Variants in ASZ1 observed in about 807,000 individuals in gnomAD.
ASZ1 encodes ankyrin repeat, SAM and basic leucine zipper domain containing 1, also known as ankyrin repeat, SAM and basic leucine zipper domain-containing protein 1.
A neutral mutation model predicts 61.8 loss-of-function variants in ASZ1; 67 were observed. That is an observed-to-expected ratio of 1.08 (90% CI 0.89 to 1.33). The LOEUF is 1.33. Ranked by LOEUF, ASZ1 falls within the 40% of genes most tolerant of loss-of-function variation. The pLI is 0.00. For missense variants in ASZ1, 577 were observed against 554.5 expected (o/e 1.04, Z -0.41); for synonymous variants, 193 against 192.7 (o/e 1.00, Z -0.01).
intron 2 of ASZ1, among the ~76,000 whole-genome samples, chr7:117,422,722 A>G (rs942182690): frequency 1.3e-5 from 2 of 152,216 alleles, no homozygotes; most frequent in African/African-American, 4.8e-5. Flanking sequence ...ATCCCTGGGC[A>G]ATATCAGTTA....
At chr7:117,407,971 G>A (rs935697793) in intron 4 of ASZ1, among the ~76,000 whole-genome samples, 8 of 152,132 alleles carry the variant, frequency 5.3e-5, no homozygotes, top group Non-Finnish European at 1.2e-4. Flanking sequence ...CCTCCCAGGT[G>A]GGAAGGAGAG....
intron 2 of ASZ1, among the ~76,000 whole-genome samples, chr7:117,425,327 G>A (rs549757190): frequency 1.2e-3 from 166 of 141,756 alleles, no homozygotes; most frequent in Middle Eastern, 3.6e-3. Context: ...GTGCAGTGGC[G>A]CGATCTCGGC....
rs1237810865 is a variant in ASZ1, at chr7:117,368,367, C to T, written c.1161+245G>A. 1.1e-5 allele frequency: 13 copies of T among 1,159,054 alleles called. No homozygotes were observed. In the East Asian group the frequency reaches 5.1e-4, roughly 45 times the overall value. 71.8% of individuals were successfully genotyped at this position (1,159,054 alleles called of 1,614,324 possible). On this transcript the variant is annotated intron_variant, in intron 11 of 12. Transcript: ENST00000284629. ...AAAAGAACACATGGTAAATTCAATA[C>T]ACGGATCAGTTTAATTTTTGGTCTG...
intron 2 of ASZ1, 137 bp from the exon 3 acceptor site, chr7:117,422,496 C>A: frequency 1.1e-6 from 1 of 944,334 alleles, no homozygotes. Flanking sequence ...TTAATGGCTT[C>A]CAAAAAATAC....
intron 4 of ASZ1, among the ~76,000 whole-genome samples, chr7:117,405,473 T>C (rs1796764841): frequency 6.6e-6 from 1 of 152,190 alleles, no homozygotes; most frequent in Admixed American, 6.5e-5. Flanking sequence ...CATGTGACTT[T>C]CACTTAGTTG....
In ASZ1 at chr7:117,385,754, C is replaced by T. The variant is rs760286066; in HGVS notation, c.496G>A (p.Ala166Thr). The T allele has an allele frequency of 6.2e-7, 1 of 1,613,576 alleles. No individual in the cohort carries two copies. The highest frequency in any genetic ancestry group is 1.3e-5 in the African/African-American group (1 of 74,894). The change falls in exon 5 of 13, where the codon GCT (alanine) becomes ACT (threonine). Residue 166 changes from alanine to threonine, a missense_variant. Physicochemically the swap from Ala to Thr is moderately conservative, Grantham distance 58. Transcript: ENST00000284629. ...AARDGHTQVV[A>T]LLVAHGAEVN... is the part of the protein sequence containing the mutation. ...TCTGCTCCATGAGCAACAAGGAGAG[C>T]AACAACCTGGGTGTGACCATCTCGA...
intron 12 of ASZ1, among the ~76,000 whole-genome samples, chr7:117,366,875 A>T (rs967190347): frequency 1.3e-5 from 2 of 152,104 alleles, no homozygotes; most frequent in African/African-American, 2.4e-5. Context: ...TCTTTAGCTG[A>T]TATTTAATTT....
rs1795988722 is a variant in ASZ1 at position 117,368,618 on chromosome 7, A to G, written c.1155T>C (p.Ser385=). 3 of 1,610,804 alleles carry G rather than the reference A, an allele frequency of 1.9e-6. No homozygotes were observed. Among genetic ancestry groups the G allele is most frequent in the African/African-American group, 1.3e-5 (1 of 74,798 alleles). The change falls in exon 11 of 13, where the codon TCT becomes TCC. Residue 385 remains serine, a synonymous_variant. Coordinates refer to ENST00000284629, the MANE Select transcript of ASZ1 (RefSeq NM_130768.3). ...AATAACTTTTGTAGAATACCTTTTG[A>G]GAATTTACAGGTAACTCAGTAATAA... ...QNVITELPVN[S]QKITLEWASP...
At chr7:117,370,939 C>T (rs1400665969) in intron 10 of ASZ1, among the ~76,000 whole-genome samples, 1 of 151,766 alleles carries the variant, frequency 6.6e-6, no homozygotes, top group African/African-American at 2.4e-5. Context: ...ATTCTCATGC[C>T]TCAGCCACCT....
chr7:117,378,723 G>GATGA (rs1266199983), intron 10 of ASZ1, among the ~76,000 whole-genome samples: 1 of 151,938 alleles, frequency 6.6e-6, no homozygotes, highest in African/African-American at 2.4e-5. Flanking sequence ...GAATCTTGTA[G>GATGA]ATGAATGTTC....
chr7:117,410,510 A>C (rs903122562), intron 4 of ASZ1, among the ~76,000 whole-genome samples: 64 of 151,852 alleles, frequency 4.2e-4, no homozygotes, highest in Admixed American at 3.9e-4. Flanking sequence ...CAGATGAAAC[A>C]ATGTAAAAAA....
At chr7:117,385,442 G>C (rs1004459316) in intron 5 of ASZ1, among the ~76,000 whole-genome samples, 2 of 151,824 alleles carry the variant, frequency 1.3e-5, no homozygotes, top group Non-Finnish European at 2.9e-5. Flanking sequence ...TGTATTTTTA[G>C]TAGAGACAGG....
chr7:117,364,021 C>G (rs570598357), intron 12 of ASZ1, among the ~76,000 whole-genome samples: 1 of 152,076 alleles, frequency 6.6e-6, no homozygotes, highest in South Asian at 2.1e-4. Context: ...TTTAATGTCA[C>G]GAGACAAAGT....
chr7:117,422,458 A>G (rs1292052204), intron 2 of ASZ1, 99 bp from the exon 3 acceptor site: 6 of 1,288,010 alleles, frequency 4.7e-6, no homozygotes, highest in Non-Finnish European at 5.2e-6. Context: ...GACGTACATC[A>G]TGTACTTTAT....
intron 10 of ASZ1, among the ~76,000 whole-genome samples, chr7:117,379,133 TTATATATATATATATATATATATATA>T (rs370500034): frequency 9.6e-6 from 1 of 104,658 alleles, no homozygotes; most frequent in Non-Finnish European, 2.0e-5. Flanking sequence ...TGTGATAAAA[TTATATATATATATATATATATATATA>T]TATATATATA....
intron 4 of ASZ1, among the ~76,000 whole-genome samples, chr7:117,404,551 C>T (rs1796746383): frequency 6.6e-6 from 1 of 151,968 alleles, no homozygotes; most frequent in Non-Finnish European, 1.5e-5. Flanking sequence ...GTGCTTAAGA[C>T]AGAAACTGGC....
At chr7:117,404,827 T>C (rs953877423) in intron 4 of ASZ1, among the ~76,000 whole-genome samples, 3 of 152,134 alleles carry the variant, frequency 2.0e-5, no homozygotes, top group African/African-American at 4.8e-5. Context: ...ATTGGTGCCA[T>C]AGAAATGCTG....
intron 2 of ASZ1, among the ~76,000 whole-genome samples, chr7:117,425,714 G>A (rs1353220985): frequency 2.6e-5 from 4 of 151,934 alleles, no homozygotes; most frequent in African/African-American, 4.8e-5. Context: ...CTCTGGCTGG[G>A]GGCGGTGGCT....
intron 4 of ASZ1, among the ~76,000 whole-genome samples, chr7:117,404,477 A>G (rs2116507536): frequency 6.9e-6 from 1 of 145,134 alleles, no homozygotes; most frequent in African/African-American, 2.5e-5. Flanking sequence ...TTACTTATGC[A>G]GTTTTTGTTT....
Sources: allele counts gnomAD v4.1 joint callset (sites outside exome capture counted in the v4.1 genomes callset), GRCh38; gene constraint gnomAD v4.1.1; transcripts MANE v1.5; gene names NCBI Gene and HGNC (gene_info 2026-07-23, HGNC 2026-07-21).